Variants in TRERF1 observed in about 807,000 individuals in gnomAD.
TRERF1 encodes transcriptional-regulating factor 1.
In TRERF1, 27 loss-of-function variants were observed where a neutral mutation model predicts 122.9. The observed-to-expected ratio is 0.22, with a 90% confidence interval of 0.16 to 0.30. The LOEUF (loss-of-function observed/expected upper bound fraction) is 0.30. TRERF1 is among the 10% of genes least tolerant of loss of function. The pLI is 1.00. For synonymous variants in TRERF1, 636 were observed against 641.7 expected (o/e 0.99, Z 0.13); for missense variants, 1,248 against 1,560.3 (o/e 0.80, Z 3.37).
At chr6:42,256,283 T>C (rs1776732357) in intron 12 of TRERF1, among the ~76,000 whole-genome samples, 1 of 152,090 alleles carries the variant, frequency 6.6e-6, no homozygotes, top group South Asian at 2.1e-4. Flanking sequence ...CAGTAAACAC[T>C]TTATTTTGGT....
intron 3 of TRERF1, among the ~76,000 whole-genome samples, chr6:42,346,983 G>A (rs533520680): frequency 6.6e-6 from 1 of 152,284 alleles, no homozygotes; most frequent in Non-Finnish European, 1.5e-5. Context: ...GGCTCAGGTA[G>A]AATAAAATGC....
intron 3 of TRERF1, among the ~76,000 whole-genome samples, chr6:42,359,741 C>A (rs548613955): frequency 3.3e-5 from 5 of 152,142 alleles, no homozygotes; most frequent in Admixed American, 3.3e-4. Flanking sequence ...ACCCAAAAAA[C>A]CAACAAAAAA....
chr6:42,408,562 G>A (rs1780654716), intron 2 of TRERF1, among the ~76,000 whole-genome samples: 1 of 151,458 alleles, frequency 6.6e-6, no homozygotes, highest in Admixed American at 6.6e-5. Flanking sequence ...ATTTTTAGTA[G>A]AGATGGGGTT....
At chr6:42,373,004 C>T (rs1397179691) in intron 2 of TRERF1, among the ~76,000 whole-genome samples, 1 of 152,206 alleles carries the variant, frequency 6.6e-6, no homozygotes, top group Non-Finnish European at 1.5e-5. Context: ...CACATTTTTC[C>T]TCAGTAACAG....
chr6:42,435,949 C>T (rs1162211249), intron 2 of TRERF1, among the ~76,000 whole-genome samples: 1 of 151,716 alleles, frequency 6.6e-6, no homozygotes, highest in African/African-American at 2.4e-5. Context: ...CACTGCACTC[C>T]AGCCCAGGCG....
At chr6:42,355,341 TG>T (rs1466133188) in intron 3 of TRERF1, among the ~76,000 whole-genome samples, 1 of 152,234 alleles carries the variant, frequency 6.6e-6, no homozygotes, top group Non-Finnish European at 1.5e-5. Flanking sequence ...ACAACTTATA[TG>T]AACCATAGGA....
At chr6:42,428,908 A>G (rs1032054120) in intron 2 of TRERF1, among the ~76,000 whole-genome samples, 1 of 152,188 alleles carries the variant, frequency 6.6e-6, no homozygotes, top group Non-Finnish European at 1.5e-5. Flanking sequence ...AGGAACCCAC[A>G]GATAGAGAAG....
chr6:42,304,032 T>A (rs1786716481), intron 3 of TRERF1, among the ~76,000 whole-genome samples: 1 of 151,712 alleles, frequency 6.6e-6, no homozygotes, highest in Admixed American at 6.6e-5. Flanking sequence ...CAAACTGGCA[T>A]GAGACATCCA....
At chr6:42,279,451 G>A (rs1171290753) in intron 4 of TRERF1, among the ~76,000 whole-genome samples, 3 of 152,192 alleles carry the variant, frequency 2.0e-5, no homozygotes, top group South Asian at 2.1e-4. Flanking sequence ...AGGCCCCAGC[G>A]AAAGTGGGAA....
intron 12 of TRERF1, among the ~76,000 whole-genome samples, chr6:42,255,314 TACAGCTGAATAGAA>T (rs1776537696): frequency 1.3e-5 from 2 of 152,242 alleles, no homozygotes; most frequent in African/African-American, 4.8e-5. Context: ...CGTGTTTCAT[TACAGCTGAATAGAA>T]ACAGCTGCAT....
At chr6:42,364,451 A>C (rs541229895) in intron 2 of TRERF1, among the ~76,000 whole-genome samples, 162 of 152,258 alleles carry the variant, frequency 1.1e-3, no homozygotes, top group African/African-American at 3.6e-3. Context: ...GAGAGCAGGG[A>C]CATCGTATTA....
intron 4 of TRERF1, among the ~76,000 whole-genome samples, chr6:42,271,688 T>C (rs1232901979): frequency 6.6e-6 from 1 of 152,236 alleles, no homozygotes; most frequent in Non-Finnish European, 1.5e-5. Context: ...TTTATCCAAA[T>C]TAGTAATACA....
At position 42,393,487 on chromosome 6, in the gene TRERF1, C is replaced by T. The variant is rs988621375; in HGVS notation, c.-453-30408G>A. 6.6e-6 allele frequency among the ~76,000 whole-genome samples: 1 copy of T among 152,186 alleles called. No individual in the cohort carries two copies. Among genetic ancestry groups the T allele is most frequent in the African/African-American group, 2.4e-5 (1 of 41,428 alleles). On this transcript the variant is annotated intron_variant, in intron 2 of 17. Coordinates refer to ENST00000372922, the Ensembl canonical transcript of TRERF1. The surrounding 1 kb of genome is among the most constrained non-coding windows in gnomAD (Gnocchi z 4.1). Reference sequence around the variant, plus strand: ...TCAGAACAGAGATTCAGGAGAGGTACAGCACTTAAGCAGATGGTGAATTCC... The same window carrying T: ...TCAGAACAGAGATTCAGGAGAGGTATAGCACTTAAGCAGATGGTGAATTCC...
At chr6:42,328,973 T>C (rs1764774411) in intron 3 of TRERF1, among the ~76,000 whole-genome samples, 1 of 152,080 alleles carries the variant, frequency 6.6e-6, no homozygotes, top group Non-Finnish European at 1.5e-5. Flanking sequence ...GGCGAATCTA[T>C]ATAGCAAGCA....
At chr6:42,311,401 G>A (rs1401482488) in intron 3 of TRERF1, among the ~76,000 whole-genome samples, 1 of 152,032 alleles carries the variant, frequency 6.6e-6, no homozygotes, top group Non-Finnish European at 1.5e-5. Context: ...TCCACTCTTT[G>A]GTGGAATGAA....
At chr6:42,421,797 TA>T (rs1021226791) in intron 2 of TRERF1, among the ~76,000 whole-genome samples, 50 of 151,460 alleles carry the variant, frequency 3.3e-4, no homozygotes, top group African/African-American at 9.4e-4. Context: ...ATTAATTAAT[TA>T]AATTAAATAA....
chr6:42,247,050 G>C (rs1774930277), intron 13 of TRERF1, among the ~76,000 whole-genome samples: 1 of 152,202 alleles, frequency 6.6e-6, no homozygotes, highest in Non-Finnish European at 1.5e-5. Context: ...GACGTTCAAG[G>C]TGGTAATTGT....
At chr6:42,244,831 G>C (rs1774453836) in intron 14 of TRERF1, among the ~76,000 whole-genome samples, 2 of 152,330 alleles carry the variant, frequency 1.3e-5, no homozygotes, top group South Asian at 4.1e-4. Flanking sequence ...CCCCAAACAG[G>C]CAAAGGTCTA....
At chr6:42,334,793 T>C (rs1055161231) in intron 3 of TRERF1, among the ~76,000 whole-genome samples, 1 of 152,200 alleles carries the variant, frequency 6.6e-6, no homozygotes, top group Non-Finnish European at 1.5e-5. Flanking sequence ...CTCCCTCTGA[T>C]GTTTCAAAGC....
Sources: allele counts gnomAD v4.1 joint callset (sites outside exome capture counted in the v4.1 genomes callset), GRCh38; gene constraint gnomAD v4.1.1; non-coding constraint Gnocchi (gnomAD v3.1); transcripts MANE v1.5; gene names NCBI Gene and HGNC (gene_info 2026-07-23, HGNC 2026-07-21).